The following DOCK4 variants were observed in gnomAD, a reference collection of about 807,000 sequenced individuals.
DOCK4 encodes dedicator of cytokinesis 4, also known as dedicator of cytokinesis protein 4.
Under a neutral mutation model 268.1 loss-of-function variants are expected in DOCK4, and 97 were observed. The ratio of observed to expected loss-of-function variants is 0.36; its 90% confidence interval spans 0.31 to 0.43. DOCK4 has a LOEUF of 0.43. Ranked by LOEUF, DOCK4 falls within the 20% of genes least tolerant of loss-of-function variation. The pLI, the probability that DOCK4 is intolerant of heterozygous loss-of-function variation, is 1.00. For synonymous variants in DOCK4, 954 were observed against 887.2 expected (o/e 1.08, Z -1.34); for missense variants, 2,145 against 2,455.7 (o/e 0.87, Z 2.67).
In DOCK4 at chr7:111,778,258, G is replaced by A; in HGVS notation, c.3679+18C>T. ...TACATCAGCTCCCTTCCCAATCTGA[G>A]CCAAAAGACAGAATTACCTGTAAAG... On this transcript the variant is annotated intron_variant, in intron 36 of 52. Transcript: ENST00000428084. 6.3e-7 allele frequency: 1 copy of A among 1,579,570 alleles called. No individual in the cohort carries two copies. The highest frequency in any genetic ancestry group is 8.7e-7 in the Non-Finnish European group (1 of 1,149,592).
At chr7:112,074,315 A>G (rs1285767873) in intron 1 of DOCK4, among the ~76,000 whole-genome samples, 1 of 152,214 alleles carries the variant, frequency 6.6e-6, no homozygotes, top group Non-Finnish European at 1.5e-5. Flanking sequence ...AATGAGTTAT[A>G]AAATGATTTA....
At chr7:111,913,440 C>T (rs1217438480) in intron 13 of DOCK4, among the ~76,000 whole-genome samples, 56 of 146,110 alleles carry the variant, frequency 3.8e-4, no homozygotes, top group African/African-American at 1.3e-3. Context: ...GACAGAGTCT[C>T]GCTCTGTCGC....
chr7:112,126,660 C>G (rs974865842), intron 1 of DOCK4, among the ~76,000 whole-genome samples: 3 of 152,150 alleles, frequency 2.0e-5, no homozygotes, highest in Non-Finnish European at 4.4e-5. Context: ...ACCTACTCAT[C>G]TGACAAAGGG....
intron 42 of DOCK4, among the ~76,000 whole-genome samples, chr7:111,753,367 T>C (rs1796817695): frequency 6.6e-6 from 1 of 151,996 alleles, no homozygotes; most frequent in Non-Finnish European, 1.5e-5. Context: ...CCCAGCTACT[T>C]GGGAGGCTGA....
Position 112,018,179 on chromosome 7 carries a change from A to AAAAAAACAC in DOCK4, c.38-14049_38-14048insGTGTTTTTT. On this transcript the variant is annotated intron_variant, in intron 1 of 52. Coordinates refer to ENST00000428084, the MANE Select transcript of DOCK4 (RefSeq NM_001363540.2). ...AAAAAAAAAAAAAAAAAAAAAAAAA[A>AAAAAAACAC]ACACAGGCAACCAGTATTCATGTGG... Among the ~76,000 whole-genome samples the AAAAAAACAC allele has an allele frequency of 2.1e-4, 15 of 72,630 alleles. 2 individuals carry two copies. Among genetic ancestry groups the AAAAAAACAC allele is most frequent in the East Asian group, 8.1e-4 (2 of 2,480 alleles). The allele number at this position is 72,630 out of a possible 152,430, so 47.6% of individuals were successfully genotyped here.
In DOCK4 at chr7:111,940,155, A is replaced by T; in HGVS notation, c.932T>A (p.Leu311Gln). 6.2e-7 allele frequency: 1 copy of T among 1,614,026 alleles called. No homozygotes were observed. The highest frequency in any genetic ancestry group is 8.5e-7 in the Non-Finnish European group (1 of 1,179,900). Residue 311 changes from leucine to glutamine, a missense_variant, in exon 11 of 53, where the codon CTG (leucine) becomes CAG (glutamine). Leu to Gln is a moderately radical substitution (Grantham distance 113). Coordinates refer to ENST00000428084, the MANE Select transcript of DOCK4 (RefSeq NM_001363540.2). ...FGCAVLSIAD[L>Q]LTGETKDDLI... ...GTCATCCTTTGTCTCTCCTGTTAGCAGGTCAGCGATGCTAAGAACTGCACA... is the reference window on the plus strand; with the variant it reads ...GTCATCCTTTGTCTCTCCTGTTAGCTGGTCAGCGATGCTAAGAACTGCACA...
chr7:111,810,538 G>A (rs1421630921), intron 28 of DOCK4, among the ~76,000 whole-genome samples: 1 of 150,608 alleles, frequency 6.6e-6, no homozygotes, highest in Non-Finnish European at 1.5e-5. Context: ...TAGTCAATAA[G>A]TAATAATTAG....
chr7:112,079,019 C>T (rs1370169007), intron 1 of DOCK4, among the ~76,000 whole-genome samples: 2 of 152,022 alleles, frequency 1.3e-5, no homozygotes, highest in South Asian at 2.1e-4. Flanking sequence ...CCCAGCTACT[C>T]GGGAAACTGA....
At chr7:112,140,292 C>T (rs1814779971) in intron 1 of DOCK4, among the ~76,000 whole-genome samples, 2 of 151,660 alleles carry the variant, frequency 1.3e-5, no homozygotes, top group Non-Finnish European at 2.9e-5. Flanking sequence ...GCCCCCAACC[C>T]CCACCTGCAG....
intron 16 of DOCK4, among the ~76,000 whole-genome samples, chr7:111,889,315 T>C (rs1476809041): frequency 6.6e-6 from 1 of 152,182 alleles, no homozygotes; most frequent in Non-Finnish European, 1.5e-5. Context: ...TGTTCCTGGC[T>C]TGTCTAAGAT....
At chr7:112,114,261 A>T (rs754259354) in intron 1 of DOCK4, among the ~76,000 whole-genome samples, 5 of 152,194 alleles carry the variant, frequency 3.3e-5, no homozygotes, top group Non-Finnish European at 5.9e-5. Context: ...TGTAATACAG[A>T]TCATCCAAAT....
intron 1 of DOCK4, among the ~76,000 whole-genome samples, chr7:112,154,775 T>A (rs1477341892): frequency 6.6e-6 from 1 of 152,144 alleles, no homozygotes; most frequent in Non-Finnish European, 1.5e-5. Context: ...TTTCATCATG[T>A]CAATCTCATT....
chr7:112,114,469 T>C (rs902353481), intron 1 of DOCK4, among the ~76,000 whole-genome samples: 1 of 152,198 alleles, frequency 6.6e-6, no homozygotes, highest in African/African-American at 2.4e-5. Flanking sequence ...TCCAAAAAAA[T>C]GTCTGTCAAA....
At chr7:111,928,596 T>C (rs1793929883) in intron 12 of DOCK4, among the ~76,000 whole-genome samples, 2 of 151,044 alleles carry the variant, frequency 1.3e-5, no homozygotes, top group African/African-American at 2.4e-5. Context: ...CTTTTTTTTT[T>C]TTTTTTTTTA....
intron 1 of DOCK4, among the ~76,000 whole-genome samples, chr7:112,142,188 G>GA (rs1339417819): frequency 2.0e-5 from 3 of 152,094 alleles, no homozygotes; most frequent in East Asian, 3.9e-4. Flanking sequence ...GGCATAGAGA[G>GA]AAAAAATAAC....
rs370300844 is a variant in DOCK4, at chr7:111,863,378, T to C, written c.2467A>G (p.Asn823Asp). 16 of 1,613,998 alleles carry C rather than the reference T, an allele frequency of 9.9e-6. No individual in the cohort carries two copies. Among genetic ancestry groups the C allele is most frequent in the Middle Eastern group, 1.6e-4 (1 of 6,062 alleles). The change falls in exon 23 of 53, where the codon AAC becomes GAC. Residue 823 changes from asparagine (N) to aspartate (D), a missense_variant. By Grantham distance (23) the Asn-to-Asp change is conservative. This residue lies in a region of DOCK4 where 1,598 missense variants were observed against 1,986.7 expected (regional missense o/e 0.80). Transcript: ENST00000428084. The stretch of plus-strand genomic sequence containing the variant: ...TCCAAGAGACTCACCCTACCTGGGT[T>C]GGTATAAAGCTGGCTTTCCACGGTT... ...GKTVESQLYT[N>D]PDSRYILLPV... is the part of the protein sequence containing the mutation.
chr7:112,168,723 G>A (rs907650050), intron 1 of DOCK4, among the ~76,000 whole-genome samples: 1 of 152,074 alleles, frequency 6.6e-6, no homozygotes, highest in African/African-American at 2.4e-5. Context: ...AAAAAACATA[G>A]AGTTAAGTAA....
intron 1 of DOCK4, among the ~76,000 whole-genome samples, chr7:112,181,846 C>A (rs1204029374): frequency 6.6e-6 from 1 of 152,112 alleles, no homozygotes; most frequent in Non-Finnish European, 1.5e-5. Flanking sequence ...TGGACATATA[C>A]AACCTCCTGA....
chr7:111,998,865 GTTC>G (rs1361707895), intron 3 of DOCK4, among the ~76,000 whole-genome samples: 1 of 141,860 alleles, frequency 7.0e-6, no homozygotes, highest in African/African-American at 2.7e-5. Context: ...GTTTTGAAAG[GTTC>G]TTCGTTTTGA....
Sources: allele counts gnomAD v4.1 joint callset (sites outside exome capture counted in the v4.1 genomes callset), GRCh38; gene constraint gnomAD v4.1.1; regional missense constraint gnomAD v4.1.1; transcripts MANE v1.5; gene names NCBI Gene and HGNC (gene_info 2026-07-23, HGNC 2026-07-21).